Variants in ISOC1 observed in about 807,000 individuals in gnomAD.
ISOC1 encodes isochorismatase domain containing 1.
A neutral mutation model predicts 30.0 loss-of-function variants in ISOC1; 33 were observed. That is an observed-to-expected ratio of 1.10 (90% CI 0.83 to 1.47). The LOEUF is 1.47. ISOC1 is among the 40% of genes most tolerant of loss of function. The probability of loss-of-function intolerance (pLI) is 0.00; values close to 1 mark genes in which losing one functional copy is unlikely to be tolerated. For missense variants in ISOC1, 372 were observed against 388.0 expected, an observed-to-expected ratio of 0.96 and a Z score of 0.35; for synonymous variants, 178 against 159.8, an observed-to-expected ratio of 1.11 and a Z score of -0.86.
At chr5:129,108,737 C>T (rs1363316803) in intron 4 of ISOC1, among the ~76,000 whole-genome samples, 1 of 152,154 alleles carries the variant, frequency 6.6e-6, no homozygotes, top group Non-Finnish European at 1.5e-5. Context: ...GTCTCGAACT[C>T]CTGACCTCAG....
intron 1 of ISOC1, among the ~76,000 whole-genome samples, chr5:129,102,089 T>A (rs1561421944): frequency 6.6e-6 from 1 of 152,190 alleles, no homozygotes; most frequent in Non-Finnish European, 1.5e-5. Context: ...CTCTCCATTG[T>A]AAAGTTACTC....
chr5:129,104,050 A>G (rs1004804246), intron 1 of ISOC1, among the ~76,000 whole-genome samples: 2 of 152,158 alleles, frequency 1.3e-5, no homozygotes, highest in African/African-American at 2.4e-5. Context: ...AGCAGCTAAT[A>G]TGAGGTTTGG....
intron 4 of ISOC1, among the ~76,000 whole-genome samples, chr5:129,111,719 A>ACC (rs1218397026): frequency 1.3e-5 from 2 of 150,824 alleles, no homozygotes; most frequent in African/African-American, 4.9e-5. Context: ...TCTACCCTTT[A>ACC]CCCCCGACTT....
chr5:129,112,915 G>A lies in ISOC1; in HGVS notation c.811G>A (p.Ala271Thr), dbSNP rs1225715167. The A allele has an allele frequency of 6.2e-7, 1 of 1,613,880 alleles. No homozygotes were observed. The change falls in exon 5 of 5, where the codon GCT becomes ACT. Residue 271 changes from alanine to threonine, a missense_variant. Ala to Thr is a moderately conservative substitution (Grantham distance 58, BLOSUM62 0). Coordinates refer to ENST00000173527, the MANE Select transcript of ISOC1 (RefSeq NM_016048.2). Reference sequence around the variant, plus strand: ...TGAGGCTGTTCTGCTTCAGCTGGTAGCTGATAAGGACCATCCAAAATTCAA... The same window carrying A: ...TGAGGCTGTTCTGCTTCAGCTGGTAACTGATAAGGACCATCCAAAATTCAA... ...TSEAVLLQLVADKDHPKFKEI... is the reference protein window; with the variant it reads ...TSEAVLLQLVTDKDHPKFKEI...
In ISOC1 at chr5:129,094,942, G is replaced by A. The variant is rs772441077; in HGVS notation, c.176G>A (p.Gly59Asp). 3 of 1,612,268 alleles carry A rather than the reference G, an allele frequency of 1.9e-6. No homozygotes were observed. Residue 59 changes from glycine to aspartate, a missense_variant, in exon 1 of 5, where the codon GGC (glycine) becomes GAC (aspartate). Coordinates refer to ENST00000173527, the MANE Select transcript of ISOC1 (RefSeq NM_016048.2). ...ATCCAGAAGTTCCTCAGCCTGTACGGCGACCAGATCGACATGCACCGCAAA... is the reference window on the plus strand; with the variant it reads ...ATCCAGAAGTTCCTCAGCCTGTACGACGACCAGATCGACATGCACCGCAAA... Reference protein sequence around the residue: ...LLIQKFLSLYGDQIDMHRKFV... With the variant: ...LLIQKFLSLYDDQIDMHRKFV...
intron 1 of ISOC1, among the ~76,000 whole-genome samples, chr5:129,098,731 G>C (rs1753537159): frequency 6.6e-6 from 1 of 152,102 alleles, no homozygotes; most frequent in African/African-American, 2.4e-5. Flanking sequence ...GGCGTTCCAG[G>C]GAAGGTTATT....
rs1008363136 is a variant in ISOC1 at position 129,098,113 on chromosome 5, G to A, written c.309+3038G>A. On this transcript the variant is annotated intron_variant, in intron 1 of 4. Transcript: ENST00000173527. ...CTAGAATGTATTCTTCATTTGCGCC[G>A]TGGTATGAGTTGCCTTCGTGCTTAT... 6.6e-5 allele frequency among the ~76,000 whole-genome samples: 10 copies of A among 152,276 alleles called. No individual in the cohort carries two copies. In the East Asian group the frequency reaches 7.7e-4, roughly 12 times the overall value.
chr5:129,110,022 A>G (rs1159155121), intron 4 of ISOC1, among the ~76,000 whole-genome samples: 1 of 152,176 alleles, frequency 6.6e-6, no homozygotes, highest in African/African-American at 2.4e-5. Flanking sequence ...TCAATTAACA[A>G]TTGTAGAGTG....
chr5:129,104,539 A>G (rs1268385027), intron 1 of ISOC1, among the ~76,000 whole-genome samples: 1 of 152,176 alleles, frequency 6.6e-6, no homozygotes, highest in Non-Finnish European at 1.5e-5. Flanking sequence ...TAATATTGTA[A>G]TGTACTACTA....
chr5:129,101,223 T>C (rs1030319803), intron 1 of ISOC1, among the ~76,000 whole-genome samples: 11 of 129,734 alleles, frequency 8.5e-5, no homozygotes, highest in Non-Finnish European at 1.4e-4. Flanking sequence ...GGGTTGGGTG[T>C]AGTGGTTCAC....
chr5:129,107,634 A>G lies in ISOC1; in HGVS notation c.750+572A>G, dbSNP rs75440015. Reference sequence around the variant, plus strand: ...GTAATATAGAGATGATTTAATGTATATAGGATATGCATAGATTATATACAA... The same window carrying G: ...GTAATATAGAGATGATTTAATGTATGTAGGATATGCATAGATTATATACAA... On this transcript the variant is annotated intron_variant, in intron 4 of 4. Coordinates refer to ENST00000173527, the MANE Select transcript of ISOC1 (RefSeq NM_016048.2). 2.8e-3 allele frequency among the ~76,000 whole-genome samples: 433 copies of G among 152,336 alleles called. 2 individuals are homozygous for G. The highest frequency in any genetic ancestry group is 7.9e-3 in the African/African-American group (328 of 41,582).
At chr5:129,105,410 T>G in intron 3 of ISOC1, 22 bp downstream of exon 3, 1 of 1,569,128 alleles carries the variant, frequency 6.4e-7, no homozygotes, top group Non-Finnish European at 8.8e-7. Flanking sequence ...TTACTATCAT[T>G]TAGGCACAAT....
At position 129,098,480 on chromosome 5, in the gene ISOC1, G is replaced by A. The variant is rs538998570; in HGVS notation, c.309+3405G>A. 2.6e-5 allele frequency among the ~76,000 whole-genome samples: 4 copies of A among 152,300 alleles called. No individual in the cohort carries two copies. In the East Asian group the frequency reaches 5.8e-4, roughly 22 times the overall value. On this transcript the variant is annotated intron_variant, in intron 1 of 4. Coordinates refer to ENST00000173527, the MANE Select transcript of ISOC1 (RefSeq NM_016048.2). Reference sequence around the variant, plus strand: ...TTTACGTCATTTTTATGACTTAAAAGTTTTAATTTTTCAAAAGGTATTTTG... The same window carrying A: ...TTTACGTCATTTTTATGACTTAAAAATTTTAATTTTTCAAAAGGTATTTTG...
chr5:129,105,091 T>C lies in ISOC1; in HGVS notation c.429+16T>C. The C allele has an allele frequency of 6.2e-7, 1 of 1,613,778 alleles. No individual in the cohort carries two copies. The highest frequency in any genetic ancestry group is 8.5e-7 in the Non-Finnish European group (1 of 1,179,726). The stretch of plus-strand genomic sequence containing the variant: ...ACAGAGATTGGTATGCTTGTTTACT[T>C]ATTTGGTCATATTTGCTGAATCATC... On this transcript the variant is annotated intron_variant, in intron 2 of 4. Transcript: ENST00000173527.
At chr5:129,100,874 C>T (rs1323431573) in intron 1 of ISOC1, among the ~76,000 whole-genome samples, 1 of 149,796 alleles carries the variant, frequency 6.7e-6, no homozygotes, top group Non-Finnish European at 1.5e-5. Context: ...AAGGTATAGA[C>T]GTTATTCCCC....
chr5:129,106,884 C>T (rs1753643905), intron 3 of ISOC1, 62 bp from the exon 4 acceptor site: 3 of 1,145,272 alleles, frequency 2.6e-6, no homozygotes, highest in Non-Finnish European at 3.9e-6. Context: ...TGTTGTTGTA[C>T]ATTTGTAAAC....
intron 4 of ISOC1, among the ~76,000 whole-genome samples, chr5:129,107,972 C>T (rs959266859): frequency 5.9e-5 from 9 of 152,320 alleles, no homozygotes; most frequent in African/African-American, 2.2e-4. Context: ...GGGAAATATT[C>T]ACTCCATATT....
Position 129,094,805 on chromosome 5 carries a change from C to T in ISOC1, c.39C>T (p.Asn13=). ...AGCCGGCGGTCCTTGCGCTCCCCAA[C>T]AGCGGCGCCGGGGGCGCGGGGGCGC... The part of the protein sequence containing the change: ...AAEPAVLALP[N]SGAGGAGAPS... Residue 13 remains asparagine (N), a synonymous_variant, in exon 1 of 5, where the codon AAC becomes AAT. Coordinates refer to ENST00000173527, the MANE Select transcript of ISOC1 (RefSeq NM_016048.2). 1 of 1,534,386 alleles carries T rather than the reference C, an allele frequency of 6.5e-7. No homozygotes were observed.
intron 1 of ISOC1, among the ~76,000 whole-genome samples, chr5:129,100,945 G>A (rs1213011777): frequency 1.3e-5 from 2 of 150,526 alleles, no homozygotes; most frequent in Non-Finnish European, 3.0e-5. Context: ...TTTTAGAATA[G>A]CTTTAGATTT....
Sources: gnomAD v4.1 joint callset for allele counts (sites outside exome capture counted in the v4.1 genomes callset) on GRCh38, gnomAD v4.1.1 for gene constraint, MANE v1.5 for transcripts, NCBI Gene and HGNC (gene_info 2026-07-23, HGNC 2026-07-21) for gene names.